Variants in CATSPERE observed in about 807,000 individuals in gnomAD.
CATSPERE encodes cation channel sperm-associated auxiliary subunit epsilon.
CATSPERE carries 93 observed loss-of-function variants against 114.1 expected under a neutral mutation model. The ratio of observed to expected loss-of-function variants is 0.81; its 90% CI spans 0.69 to 0.97. The LOEUF (loss-of-function observed/expected upper bound fraction) is 0.97. Ranked by LOEUF, CATSPERE falls within the 50% of genes least tolerant of loss-of-function variation. The pLI is 0.00. For synonymous variants in CATSPERE, 341 were observed against 384.1 expected (o/e 0.89, Z 1.31); for missense variants, 1,058 against 1,131.6 (o/e 0.93, Z 0.93).
At chr1:244,583,608 C>T (rs1220489426) in intron 12 of CATSPERE, among the ~76,000 whole-genome samples, 4 of 152,100 alleles carry the variant, frequency 2.6e-5, no homozygotes, top group African/African-American at 9.7e-5. Context: ...TTCTGCTTCC[C>T]ATCGCATTAA....
chr1:244,523,826 T>G (rs376805614), intron 8 of CATSPERE, among the ~76,000 whole-genome samples: 1 of 147,414 alleles, frequency 6.8e-6, no homozygotes, highest in African/African-American at 2.6e-5. Context: ...CACTGCTCAA[T>G]GAAATAAAAG....
intron 14 of CATSPERE, among the ~76,000 whole-genome samples, chr1:244,591,028 G>C (rs1206107123): frequency 6.6e-6 from 1 of 152,186 alleles, no homozygotes; most frequent in Non-Finnish European, 1.5e-5. Context: ...GTTTTCCATA[G>C]CAGCTGCACT....
chr1:244,542,909 T>C (rs1253433204), intron 8 of CATSPERE, among the ~76,000 whole-genome samples: 2 of 152,166 alleles, frequency 1.3e-5, no homozygotes, highest in South Asian at 2.1e-4. Context: ...AAAAGCACAA[T>C]GAGGTATCAC....
chr1:244,519,105 A>G (rs1572523387), intron 8 of CATSPERE, among the ~76,000 whole-genome samples: 1 of 152,352 alleles, frequency 6.6e-6, no homozygotes, highest in Non-Finnish European at 1.5e-5. Context: ...ATCACAAGGT[A>G]TAGACAGACT....
In CATSPERE at chr1:244,552,466, T is replaced by C; in HGVS notation, c.681T>C (p.Gly227=). Residue 227 remains glycine (G), a synonymous_variant, in exon 9 of 22, where the codon GGT becomes GGC. Coordinates refer to ENST00000366534, the MANE Select transcript of CATSPERE (RefSeq NM_001130957.2). ...TGTTGACCATACCTGAAATTCCTGGTTATTTACCAATCTCCTCACCACGTG... is the reference window on the plus strand; with the variant it reads ...TGTTGACCATACCTGAAATTCCTGGCTATTTACCAATCTCCTCACCACGTG... ...FPLLTIPEIP[G]YLPISSPRGS... 1 of 1,614,196 alleles carries C rather than the reference T, an allele frequency of 6.2e-7. No homozygotes were observed. Among genetic ancestry groups the C allele is most frequent in the Non-Finnish European group, 8.5e-7 (1 of 1,180,016 alleles).
intron 20 of CATSPERE, among the ~76,000 whole-genome samples, chr1:244,625,336 G>C (rs1257473513): frequency 7.6e-6 from 1 of 132,118 alleles, no homozygotes; most frequent in Non-Finnish European, 1.6e-5. Context: ...TCAATGAGTA[G>C]TAATATTTTG....
At chr1:244,505,782 G>A (rs1279246099) in intron 7 of CATSPERE, among the ~76,000 whole-genome samples, 1 of 152,062 alleles carries the variant, frequency 6.6e-6, no homozygotes, top group Non-Finnish European at 1.5e-5. Context: ...CGAGGTGGGT[G>A]GATCACGAGG....
Position 244,593,500 on chromosome 1 carries a change from G to C in CATSPERE, c.2225G>C (p.Arg742Thr), listed in dbSNP as rs953634972. ...YLRHQPSKNL[R>T]VRYIWGEYGC... ...ACTAAAGTAGTTTTCCTTTTCTAGA[G>C]AGTAAGGTATATTTGGGGAGAATAT... Residue 742 changes from arginine to threonine, a missense_variant and splice_region_variant, in exon 17 of 22, where the codon AGA becomes ACA. Transcript: ENST00000366534. 3 of 1,613,790 alleles carry C rather than the reference G, an allele frequency of 1.9e-6. No individual in the cohort carries two copies. The highest frequency in any genetic ancestry group is 2.7e-5 in the African/African-American group (2 of 74,924).
upstream of CATSPERE, among the ~76,000 whole-genome samples, chr1:244,453,821 G>A (rs1665865271): frequency 6.6e-6 from 1 of 151,930 alleles, no homozygotes; most frequent in Non-Finnish European, 1.5e-5. Flanking sequence ...TCTCCCAACT[G>A]GTTCTGTAGC....
chr1:244,561,083 C>T lies in CATSPERE; in HGVS notation c.1445C>T (p.Pro482Leu), dbSNP rs775957247. 1.9e-6 allele frequency: 3 copies of T among 1,611,840 alleles called. No individual in the cohort carries two copies. The highest frequency in any genetic ancestry group is 2.5e-6 in the Non-Finnish European group (3 of 1,178,418). ...NFTFTGILQT[P>L]AGHGNLSMLS... Reference sequence around the variant, plus strand: ...ACCTTTACTGGGATTTTACAGACACCTGCAGGACATGGAAATCTATCAATG... The same window carrying T: ...ACCTTTACTGGGATTTTACAGACACTTGCAGGACATGGAAATCTATCAATG... The change falls in exon 10 of 22, where the codon CCT becomes CTT. Residue 482 changes from proline (P) to leucine (L), a missense_variant. Around this residue, in one of 2 missense-constraint regions of CATSPERE, gnomAD observed 787 missense variants for 905.6 expected, o/e 0.87. Transcript: ENST00000366534.
chr1:244,619,859 C>A (rs1000228259), intron 20 of CATSPERE, among the ~76,000 whole-genome samples: 11 of 152,096 alleles, frequency 7.2e-5, no homozygotes, highest in African/African-American at 2.4e-4. Context: ...ATGCACCCAA[C>A]AAAAAGCCAG....
intron 17 of CATSPERE, among the ~76,000 whole-genome samples, chr1:244,600,997 A>G (rs1305463374): frequency 6.6e-6 from 1 of 152,250 alleles, no homozygotes; most frequent in Admixed American, 6.5e-5. Flanking sequence ...TCTGAATAAT[A>G]TAGAAAATGT....
In CATSPERE at chr1:244,464,088, A is replaced by G. The variant is rs1157349869; in HGVS notation, c.114+132A>G. ...CTGTTTCGTTTCTTTCATCCGGTGT[A>G]TTACCCTAACATAGGTCCCCTCCTT... On this transcript the variant is annotated intron_variant, in intron 2 of 21. Coordinates refer to ENST00000366534, the MANE Select transcript of CATSPERE (RefSeq NM_001130957.2). 1.7e-5 allele frequency: 12 copies of G among 698,920 alleles called. No individual in the cohort carries two copies. The Admixed American group carries it at 2.1e-4, about 13-fold the overall frequency. 43.3% of individuals were successfully genotyped at this position (698,920 alleles called of 1,614,324 possible). A position where few individuals can be genotyped will look rare whatever the true frequency, so the allele number is the denominator to read the frequency against.
chr1:244,493,130 A>G (rs1393259358), intron 6 of CATSPERE, among the ~76,000 whole-genome samples: 2 of 152,108 alleles, frequency 1.3e-5, no homozygotes, highest in Non-Finnish European at 2.9e-5. Flanking sequence ...AAGAGCCCGC[A>G]TCTCCAAGTC....
rs958581931 is a variant in CATSPERE, at chr1:244,573,813, G to A, written c.1950+1041G>A. On this transcript the variant is annotated intron_variant, in intron 11 of 21. Transcript: ENST00000366534. This position sits in a 1 kb window ranked among gnomAD's most constrained non-coding sequence, Gnocchi z 4.0. Reference sequence around the variant, plus strand: ...GCATACGGGACATGCATATGGGAATGGGAAAAATTCTTGCAGCCATCTTTG... The same window carrying A: ...GCATACGGGACATGCATATGGGAATAGGAAAAATTCTTGCAGCCATCTTTG... Among the ~76,000 whole-genome samples, 1 of 152,152 alleles carries A rather than the reference G, an allele frequency of 6.6e-6. No homozygotes were observed. Among genetic ancestry groups the A allele is most frequent in the Non-Finnish European group, 1.5e-5 (1 of 68,030 alleles).
Position 244,538,999 on chromosome 1 carries a change from G to A in CATSPERE, c.537-13323G>A, listed in dbSNP as rs144916617. On this transcript the variant is annotated intron_variant, in intron 8 of 21. Coordinates refer to ENST00000366534, the MANE Select transcript of CATSPERE (RefSeq NM_001130957.2). The stretch of plus-strand genomic sequence containing the variant: ...AACACGATCCATAGGTCAGCTGCAC[G>A]TCGCTAGCCAGCTTCCCCATCTAGC... Among the ~76,000 whole-genome samples, 425 of 152,194 alleles carry A rather than the reference G, an allele frequency of 2.8e-3. 3 individuals are homozygous for A. The highest frequency in any genetic ancestry group is 9.1e-3 in the African/African-American group (379 of 41,536).
intron 8 of CATSPERE, among the ~76,000 whole-genome samples, chr1:244,525,267 C>G (rs1206043288): frequency 1.4e-5 from 2 of 145,374 alleles, no homozygotes; most frequent in African/African-American, 2.6e-5. Flanking sequence ...CATATTCTCA[C>G]TCATAGGTGG....
At position 244,464,545 on chromosome 1, in the gene CATSPERE, T is replaced by C. The variant is rs553291490; in HGVS notation, c.114+589T>C. ...CATTTTCCTGCTATATGTAGCCAAA[T>C]AGAGTTGCCTGGCCATGGGAAATAC... On this transcript the variant is annotated intron_variant, in intron 2 of 21. Coordinates refer to ENST00000366534, the MANE Select transcript of CATSPERE (RefSeq NM_001130957.2). Among the ~76,000 whole-genome samples, 5 of 152,324 alleles carry C rather than the reference T, an allele frequency of 3.3e-5. No individual in the cohort carries two copies. In the South Asian group the frequency reaches 8.3e-4, roughly 25 times the overall value.
intron 8 of CATSPERE, among the ~76,000 whole-genome samples, chr1:244,538,545 A>G (rs1013302473): frequency 6.6e-6 from 1 of 152,218 alleles, no homozygotes; most frequent in Non-Finnish European, 1.5e-5. Flanking sequence ...TACCTTTGCC[A>G]ATATCCAAGA....
Sources: gnomAD v4.1 joint callset for allele counts (sites outside exome capture counted in the v4.1 genomes callset) on GRCh38, gnomAD v4.1.1 for gene constraint, gnomAD v4.1.1 regional missense constraint, Gnocchi (gnomAD v3.1) non-coding constraint, MANE v1.5 for transcripts, NCBI Gene and HGNC (gene_info 2026-07-23, HGNC 2026-07-21) for gene names.